Variants in MCM2 observed in about 807,000 individuals in gnomAD.
MCM2 encodes the protein minichromosome maintenance complex component 2, also known as DNA replication licensing factor MCM2.
A neutral mutation model predicts 86.4 loss-of-function variants in MCM2; 49 were observed. That is an observed-to-expected ratio of 0.57 (90% CI 0.45 to 0.72). The LOEUF is 0.72. Ranked by LOEUF, MCM2 falls within the 30% of genes least tolerant of loss-of-function variation. MCM2 has a pLI of 0.00. For synonymous variants in MCM2, 475 were observed against 484.6 expected (o/e 0.98, Z 0.26); for missense variants, 1,038 against 1,259.9 (o/e 0.82, Z 2.67).
At position 127,606,714 on chromosome 3, in the gene MCM2, A is replaced by G. The variant is rs769240154; in HGVS notation, c.998A>G (p.Asn333Ser). 2.5e-5 allele frequency: 41 copies of G among 1,614,124 alleles called. No homozygotes were observed. Among genetic ancestry groups the G allele is most frequent in the Middle Eastern group, 1.6e-4 (1 of 6,084 alleles). The change falls in exon 6 of 16, where the codon AAT (asparagine) becomes AGT (serine). Residue 333 changes from asparagine to serine, a missense_variant. Physicochemically the swap from Asn to Ser is conservative, Grantham distance 46. Coordinates refer to ENST00000265056, the MANE Select transcript of MCM2 (RefSeq NM_004526.4). The surrounding 1 kb of genome is among the most constrained non-coding windows in gnomAD (Gnocchi z 4.2). ...GTCAAGTACAACTGCAACAAGTGCA[A>G]TTTCGTCCTGGGTCCTTTCTGCCAG... ...SMVKYNCNKC[N>S]FVLGPFCQSQ...
chr3:127,617,763 G>A lies in MCM2; in HGVS notation c.1901-206G>A. On this transcript the variant is annotated intron_variant, in intron 11 of 15. Coordinates refer to ENST00000265056, the MANE Select transcript of MCM2 (RefSeq NM_004526.4). The surrounding 1 kb of genome is among the most constrained non-coding windows in gnomAD (Gnocchi z 4.1). ...GTTCTTGGTTTTTCCTCCTGGGGAA[G>A]CAGTTATGCTTTCTGTCTAAATTAG... The A allele has an allele frequency of 1.7e-6, 1 of 592,764 alleles. No individual in the cohort carries two copies. The highest frequency in any genetic ancestry group is 3.0e-5 in the Admixed American group (1 of 33,812). The allele number at this position is 592,764 out of a possible 1,614,324, so 36.7% of individuals were successfully genotyped here.
At chr3:127,619,747 C>T (rs1426273782) in intron 13 of MCM2, among the ~76,000 whole-genome samples, 1 of 152,102 alleles carries the variant, frequency 6.6e-6, no homozygotes, top group Non-Finnish European at 1.5e-5. Context: ...CTTTGGGAGG[C>T]CAAGGCAGGA....
At position 127,617,741 on chromosome 3, in the gene MCM2, C is replaced by T. The variant is rs1303513293; in HGVS notation, c.1901-228C>T. 4 of 590,596 alleles carry T rather than the reference C, an allele frequency of 6.8e-6. No individual in the cohort carries two copies. The highest frequency in any genetic ancestry group is 5.7e-5 in the East Asian group (2 of 35,280). The allele number at this position is 590,596 out of a possible 1,614,324, so 36.6% of individuals were successfully genotyped here. A position where few individuals can be genotyped will look rare whatever the true frequency, so the allele number is the denominator to read the frequency against. ...CCCAGGCTCTGTCACCCACTGTGTT[C>T]TTGGTTTTTCCTCCTGGGGAAGCAG... On this transcript the variant is annotated intron_variant, in intron 11 of 15. Coordinates refer to ENST00000265056, the MANE Select transcript of MCM2 (RefSeq NM_004526.4). The surrounding 1 kb of genome is among the most constrained non-coding windows in gnomAD (Gnocchi z 4.1).
Position 127,617,138 on chromosome 3 carries a change from A to G in MCM2, c.1773+20A>G. The G allele has an allele frequency of 1.2e-6, 2 of 1,609,806 alleles. No homozygotes were observed. The highest frequency in any genetic ancestry group is 2.7e-5 in the African/African-American group (2 of 74,906). On this transcript the variant is annotated intron_variant, in intron 10 of 15. Coordinates refer to ENST00000265056, the MANE Select transcript of MCM2 (RefSeq NM_004526.4). This position sits in a 1 kb window ranked among gnomAD's most constrained non-coding sequence, Gnocchi z 4.1. The stretch of plus-strand genomic sequence containing the variant: ...GACAAGGTGGGTCCCTGGGTCACGG[A>G]GGCTGGTGGAACTCAGGGGGTGTGT...
chr3:127,605,862 T>C (rs1263892347), intron 4 of MCM2, among the ~76,000 whole-genome samples: 1 of 152,238 alleles, frequency 6.6e-6, no homozygotes, highest in Non-Finnish European at 1.5e-5. Context: ...TGTAGCTGTG[T>C]AGGCACTCTG....
chr3:127,601,839 A>C (rs780314764), intron 2 of MCM2, among the ~76,000 whole-genome samples: 1 of 152,208 alleles, frequency 6.6e-6, no homozygotes, highest in African/African-American at 2.4e-5. Context: ...TGTTCTTGCC[A>C]ACATTGGTCT....
At chr3:127,599,621 T>G in intron 2 of MCM2, 74 bp downstream of exon 2, 1 of 1,385,932 alleles carries the variant, frequency 7.2e-7, no homozygotes. Flanking sequence ...TGGCCTGGCT[T>G]TGGGAGCTGG....
rs749203888 is a variant in MCM2 at position 127,609,048 on chromosome 3, C to A, written c.1428+25C>A. 22 of 1,609,748 alleles carry A rather than the reference C, an allele frequency of 1.4e-5. 1 individual carries two copies. The Admixed American group carries it at 3.5e-4, about 26-fold the overall frequency. The stretch of plus-strand genomic sequence containing the variant: ...GGTAGGTGGAAGGCAGGGGCAGGGG[C>A]TGTCAGGATGCTGTGAGAGGATATG... On this transcript the variant is annotated intron_variant, in intron 8 of 15. Transcript: ENST00000265056.
rs2074351575 is a variant in MCM2 at position 127,606,511 on chromosome 3, G to A, written c.894-99G>A. 1.5e-6 allele frequency: 2 copies of A among 1,298,952 alleles called. No individual in the cohort carries two copies. The highest frequency in any genetic ancestry group is 2.2e-6 in the Non-Finnish European group (2 of 919,350). The allele number at this position is 1,298,952 out of a possible 1,614,324, so 80.5% of individuals were successfully genotyped here. Reference sequence around the variant, plus strand: ...ATGGGAGGGATCTTCCCGGGCTGGGGGCTGGGCCCAATTTCCAGGACAGTG... The same window carrying A: ...ATGGGAGGGATCTTCCCGGGCTGGGAGCTGGGCCCAATTTCCAGGACAGTG... On this transcript the variant is annotated intron_variant, in intron 5 of 15. Coordinates refer to ENST00000265056, the MANE Select transcript of MCM2 (RefSeq NM_004526.4). The surrounding 1 kb of genome is among the most constrained non-coding windows in gnomAD (Gnocchi z 4.2).
At chr3:127,616,079 G>A in intron 9 of MCM2, 124 bp downstream of exon 9, 1 of 786,274 alleles carries the variant, frequency 1.3e-6, no homozygotes, top group South Asian at 1.6e-5. Context: ...TTAAAAGATG[G>A]TCTGGCTGGG....
At chr3:127,620,590 C>T in intron 13 of MCM2, 108 bp from the exon 14 acceptor site, 2 of 1,119,356 alleles carry the variant, frequency 1.8e-6, no homozygotes, top group Non-Finnish European at 1.3e-6. Flanking sequence ...TCTGCTGGGG[C>T]ACTGTCAGAT....
chr3:127,599,252 A>G, intron 1 of MCM2, 66 bp from the exon 2 acceptor site: 1 of 1,380,462 alleles, frequency 7.2e-7, no homozygotes, highest in Non-Finnish European at 1.0e-6. Flanking sequence ...CCCTGATGGT[A>G]AAAAGGAAGC....
chr3:127,599,067 A>T, intron 1 of MCM2: 1 of 567,734 alleles, frequency 1.8e-6, no homozygotes, highest in South Asian at 2.2e-5. Context: ...AAGCACGGTG[A>T]TGTGGGTGAC....
chr3:127,602,022 T>C (rs2074309498), intron 2 of MCM2, among the ~76,000 whole-genome samples: 1 of 152,252 alleles, frequency 6.6e-6, no homozygotes, highest in Non-Finnish European at 1.5e-5. Flanking sequence ...TAAGAGGTTT[T>C]TTACATATTC....
intron 9 of MCM2, among the ~76,000 whole-genome samples, chr3:127,616,362 G>C (rs2074432016): frequency 6.6e-6 from 1 of 152,116 alleles, no homozygotes; most frequent in African/African-American, 2.4e-5. Context: ...TCTCTTCCTA[G>C]TCCCTCCCTT....
In MCM2 at chr3:127,598,443, G is replaced by A. The variant is rs1307610930; in HGVS notation, c.-24G>A. ...CGCGAAACCTGGTTGTTGCTGTAGT[G>A]GCGGAGAGGATCGTGGTACTGCTAT... On this transcript the variant is annotated 5_prime_UTR_variant, in exon 1 of 16. Coordinates refer to ENST00000265056, the MANE Select transcript of MCM2 (RefSeq NM_004526.4). 1 of 1,613,400 alleles carries A rather than the reference G, an allele frequency of 6.2e-7. No homozygotes were observed. The highest frequency in any genetic ancestry group is 1.3e-5 in the African/African-American group (1 of 74,906).
At position 127,621,775 on chromosome 3, in the gene MCM2, G is replaced by C. The variant is rs1265596289; in HGVS notation, c.*2G>C. 5 of 1,611,212 alleles carry C rather than the reference G, an allele frequency of 3.1e-6. No homozygotes were observed. Among genetic ancestry groups the C allele is most frequent in the Middle Eastern group, 1.7e-4 (1 of 6,056 alleles). On this transcript the variant is annotated 3_prime_UTR_variant, in exon 16 of 16. Coordinates refer to ENST00000265056, the MANE Select transcript of MCM2 (RefSeq NM_004526.4). The stretch of plus-strand genomic sequence containing the variant: ...AAAATGATCCTGCAGCAGTTCTGAG[G>C]CCCTATGCCATCCATAAGGATTCCT...
chr3:127,617,347 T>C lies in MCM2; in HGVS notation c.1842T>C (p.Ala614=). 3.7e-6 allele frequency: 6 copies of C among 1,614,112 alleles called. No individual in the cohort carries two copies. The highest frequency in any genetic ancestry group is 5.1e-6 in the Non-Finnish European group (6 of 1,179,998). ...MEQQSISISK[A]GIVTSLQARC... Reference sequence around the variant, plus strand: ...AACAGAGCATCTCCATCTCGAAGGCTGGCATCGTCACCTCCCTGCAGGCTC... The same window carrying C: ...AACAGAGCATCTCCATCTCGAAGGCCGGCATCGTCACCTCCCTGCAGGCTC... Residue 614 remains alanine (A), a synonymous_variant, in exon 11 of 16, where the codon GCT becomes GCC. Coordinates refer to ENST00000265056, the MANE Select transcript of MCM2 (RefSeq NM_004526.4). This position sits in a 1 kb window ranked among gnomAD's most constrained non-coding sequence, Gnocchi z 4.1.
Position 127,621,985 on chromosome 3 carries a change from G to T in MCM2, c.*212G>T, listed in dbSNP as rs962837312. On this transcript the variant is annotated 3_prime_UTR_variant, in exon 16 of 16. Coordinates refer to ENST00000265056, the MANE Select transcript of MCM2 (RefSeq NM_004526.4). ...CCTTTGGGTGGGATGCCTTGCCAGTGTGTCTTACTTGGTTGCTGAACATCT... is the reference window on the plus strand; with the variant it reads ...CCTTTGGGTGGGATGCCTTGCCAGTTTGTCTTACTTGGTTGCTGAACATCT... 1.9e-6 allele frequency: 1 copy of T among 523,598 alleles called. No homozygotes were observed. The highest frequency in any genetic ancestry group is 3.3e-5 in the East Asian group (1 of 30,006). 32.4% of individuals were successfully genotyped at this position (523,598 alleles called of 1,614,324 possible).
Sources: allele counts gnomAD v4.1 joint callset (sites outside exome capture counted in the v4.1 genomes callset), GRCh38; gene constraint gnomAD v4.1.1; non-coding constraint Gnocchi (gnomAD v3.1); transcripts MANE v1.5; gene names NCBI Gene and HGNC (gene_info 2026-07-23, HGNC 2026-07-21).